NPNT: variants seen among roughly 807,000 people sequenced by gnomAD.
NPNT encodes preosteoblast EGF-like repeat protein with MAM domain.
NPNT carries 45 observed loss-of-function variants against 68.6 expected under a neutral mutation model. That is an observed-to-expected ratio of 0.66 (90% confidence interval 0.52 to 0.84). The LOEUF is 0.84. Ranked by LOEUF, NPNT falls within the 40% of genes least tolerant of loss-of-function variation. NPNT has a pLI of 0.00. For missense variants in NPNT, 672 were observed against 714.8 expected (o/e 0.94, Z 0.68); for synonymous variants, 233 against 253.3 (o/e 0.92, Z 0.76).
At chr4:105,917,077 A>C (rs1727880117) in intron 2 of NPNT, among the ~76,000 whole-genome samples, 1 of 152,186 alleles carries the variant, frequency 6.6e-6, no homozygotes, top group Non-Finnish European at 1.5e-5. Flanking sequence ...AGGTAATCTG[A>C]TTGTGTCATC....
At chr4:105,966,701 A>C (rs1276550904) in intron 10 of NPNT, among the ~76,000 whole-genome samples, 1 of 151,866 alleles carries the variant, frequency 6.6e-6, no homozygotes, top group Non-Finnish European at 1.5e-5. Context: ...GGAGGAGAGA[A>C]TAAGCAGATA....
chr4:105,921,508 T>C (rs1728257639), intron 2 of NPNT, among the ~76,000 whole-genome samples: 1 of 152,184 alleles, frequency 6.6e-6, no homozygotes. Context: ...ATGTGTCTTA[T>C]AGTGATAACA....
chr4:105,910,652 T>G (rs1459426222), intron 2 of NPNT, among the ~76,000 whole-genome samples: 1 of 152,192 alleles, frequency 6.6e-6, no homozygotes, highest in African/African-American at 2.4e-5. Flanking sequence ...TTAACATTGC[T>G]TTGACATAAA....
At position 105,970,178 on chromosome 4, in the gene NPNT, G is replaced by A. The variant is rs1241126626; in HGVS notation, c.*1188G>A. On this transcript the variant is annotated 3_prime_UTR_variant, in exon 12 of 12. Transcript: ENST00000379987. The stretch of plus-strand genomic sequence containing the variant: ...TAGGAAGCAAGTCCCATGCTTAGAG[G>A]CATGGGATGTGTTGGAACGGGATTT... 3.8e-6 allele frequency: 2 copies of A among 526,382 alleles called. No homozygotes were observed. The highest frequency in any genetic ancestry group is 3.2e-5 in the East Asian group (1 of 31,526). The allele number at this position is 526,382 out of a possible 1,614,324, so 32.6% of individuals were successfully genotyped here. A position where few individuals can be genotyped will look rare whatever the true frequency, so the allele number is the denominator to read the frequency against.
intron 8 of NPNT, among the ~76,000 whole-genome samples, chr4:105,957,302 T>G (rs1378060463): frequency 1.3e-5 from 2 of 152,184 alleles, no homozygotes; most frequent in African/African-American, 4.8e-5. Flanking sequence ...ATTCAAGCCA[T>G]GTAAGATCCA....
intron 4 of NPNT, among the ~76,000 whole-genome samples, 191 bp downstream of exon 4, chr4:105,937,319 A>G (rs564047434): frequency 6.3e-4 from 96 of 152,230 alleles, no homozygotes; most frequent in African/African-American, 2.2e-3. Flanking sequence ...CTCTTCTATC[A>G]CGGGTGCCAA....
intron 8 of NPNT, among the ~76,000 whole-genome samples, chr4:105,952,603 G>C (rs1031861564): frequency 6.6e-6 from 1 of 152,172 alleles, no homozygotes; most frequent in African/African-American, 2.4e-5. Context: ...ATCTGATTTA[G>C]TAAATGTACC....
intron 2 of NPNT, among the ~76,000 whole-genome samples, chr4:105,904,064 G>T (rs150406505): frequency 6.6e-6 from 1 of 151,986 alleles, no homozygotes; most frequent in Non-Finnish European, 1.5e-5. Context: ...GATTATAAGC[G>T]TGAGCCATCT....
chr4:105,967,562 T>A, intron 11 of NPNT, 118 bp downstream of exon 11: 1 of 1,060,368 alleles, frequency 9.4e-7, no homozygotes, highest in Non-Finnish European at 1.3e-6. Context: ...AAGGTTTGGG[T>A]TTTTTTCTGG....
At chr4:105,947,243 T>C (rs1289547531) in intron 8 of NPNT, among the ~76,000 whole-genome samples, 2 of 152,212 alleles carry the variant, frequency 1.3e-5, no homozygotes, top group African/African-American at 2.4e-5. Flanking sequence ...TTTTTCAAGG[T>C]GTACTGATTT....
Position 105,970,541 on chromosome 4 carries a change from T to C in NPNT, c.*1551T>C. The stretch of plus-strand genomic sequence containing the variant: ...TGGCACAGAGAGGGTGGCGACCAGC[T>C]GTTCTCCATATGCACTAAGAATAGA... On this transcript the variant is annotated 3_prime_UTR_variant, in exon 12 of 12. Coordinates refer to ENST00000379987, the MANE Select transcript of NPNT (RefSeq NM_001033047.3). 1 of 682,830 alleles carries C rather than the reference T, an allele frequency of 1.5e-6. No homozygotes were observed. 42.3% of individuals were successfully genotyped at this position (682,830 alleles called of 1,614,324 possible). A position where few individuals can be genotyped will look rare whatever the true frequency, so the allele number is the denominator to read the frequency against.
At chr4:105,963,697 C>T (rs1731910125) in intron 10 of NPNT, among the ~76,000 whole-genome samples, 1 of 151,052 alleles carries the variant, frequency 6.6e-6, no homozygotes, top group South Asian at 2.1e-4. Flanking sequence ...GGATTAAGGG[C>T]AACTGACTCA....
intron 2 of NPNT, among the ~76,000 whole-genome samples, chr4:105,900,604 G>A (rs1180316142): frequency 1.3e-5 from 2 of 152,174 alleles, no homozygotes; most frequent in African/African-American, 2.4e-5. Context: ...GGCTCACTAT[G>A]TCTAAGCAGA....
chr4:105,940,335 A>T, intron 6 of NPNT, 126 bp downstream of exon 6: 1 of 1,089,558 alleles, frequency 9.2e-7, no homozygotes, highest in African/African-American at 1.6e-5. Context: ...ACCAACAGAC[A>T]TCCAGTTTAA....
intron 8 of NPNT, among the ~76,000 whole-genome samples, chr4:105,951,539 T>C (rs1351452691): frequency 6.6e-6 from 1 of 152,150 alleles, no homozygotes; most frequent in African/African-American, 2.4e-5. Context: ...TTGTTTCTGC[T>C]GAGGGGTGAA....
intron 2 of NPNT, among the ~76,000 whole-genome samples, chr4:105,910,384 G>T (rs955348098): frequency 6.6e-6 from 1 of 152,026 alleles, no homozygotes; most frequent in African/African-American, 2.4e-5. Flanking sequence ...TGCTACTGTG[G>T]CCATTTTATG....
chr4:105,968,832 T>C lies in NPNT; in HGVS notation c.1603-63T>C, dbSNP rs544492794. On this transcript the variant is annotated intron_variant, in intron 11 of 11. Coordinates refer to ENST00000379987, the MANE Select transcript of NPNT (RefSeq NM_001033047.3). ...GGGGAAGGTTTGCCTTTATTTTTGC[T>C]TAATAAGGAGGCATTAGAAAGGGGC... The C allele has an allele frequency of 7.5e-6, 7 of 933,008 alleles. No individual in the cohort carries two copies. The African/African-American group carries it at 9.9e-5, about 13-fold the overall frequency. The allele number at this position is 933,008 out of a possible 1,614,324, so 57.8% of individuals were successfully genotyped here.
intron 2 of NPNT, among the ~76,000 whole-genome samples, chr4:105,925,449 G>A (rs1728610611): frequency 6.6e-6 from 1 of 152,050 alleles, no homozygotes; most frequent in African/African-American, 2.4e-5. Flanking sequence ...TGGAAGGTGA[G>A]GGAAGGGTTA....
intron 2 of NPNT, chr4:105,902,899 A>G (rs1051122294): frequency 6.6e-6 from 1 of 152,236 alleles, no homozygotes. Context: ...TAATACTATT[A>G]AGATCTACTA....
Sources: allele counts gnomAD v4.1 joint callset (sites outside exome capture counted in the v4.1 genomes callset), GRCh38; gene constraint gnomAD v4.1.1; transcripts MANE v1.5; gene names NCBI Gene and HGNC (gene_info 2026-07-23, HGNC 2026-07-21).